EYA1: variants seen among roughly 807,000 people sequenced by gnomAD.
EYA1 encodes the protein EYA transcriptional coactivator and phosphatase 1.
EYA1 carries 16 observed loss-of-function variants against 82.0 expected under a neutral mutation model. That is an observed-to-expected ratio of 0.20 (90% CI 0.13 to 0.30). The LOEUF (loss-of-function observed/expected upper bound fraction) is 0.30, where lower values mean the gene tolerates loss of function less well. Among genes scored for constraint, EYA1 ranks in the 10% least tolerant of loss-of-function variants. EYA1 has a pLI of 1.00. For missense variants in EYA1, 633 were observed against 730.7 expected (o/e 0.87, Z 1.54); for synonymous variants, 261 against 264.4 (o/e 0.99, Z 0.12).
At chr8:71,316,248 A>G (rs2129022343) in intron 7 of EYA1, among the ~76,000 whole-genome samples, 1 of 152,302 alleles carries the variant, frequency 6.6e-6, no homozygotes, top group Admixed American at 6.5e-5. Context: ...AAGGAGCATA[A>G]AACAATTTAC....
intron 17 of EYA1, among the ~76,000 whole-genome samples, chr8:71,207,453 G>A (rs1807943693): frequency 6.6e-6 from 1 of 152,162 alleles, no homozygotes; most frequent in Admixed American, 6.5e-5. Flanking sequence ...GAGATATTGT[G>A]AAAAATTTGT....
chr8:71,278,285 A>T (rs1376969806), intron 9 of EYA1, among the ~76,000 whole-genome samples: 1 of 152,040 alleles, frequency 6.6e-6, no homozygotes, highest in Admixed American at 6.6e-5. Context: ...AACCCTCAAA[A>T]CCCATCAGGG....
intron 9 of EYA1, among the ~76,000 whole-genome samples, chr8:71,284,548 A>G (rs1022876896): frequency 3.9e-5 from 6 of 152,220 alleles, no homozygotes; most frequent in African/African-American, 1.4e-4. Flanking sequence ...CATTGTCAAG[A>G]TTGCATCAAA....
intron 2 of EYA1, among the ~76,000 whole-genome samples, chr8:71,453,652 T>G (rs1807599266): frequency 6.6e-6 from 1 of 152,130 alleles, no homozygotes; most frequent in Non-Finnish European, 1.5e-5. Context: ...AACCCAGAAT[T>G]TCATATCCAG....
At chr8:71,350,007 T>C (rs553522472) in intron 3 of EYA1, among the ~76,000 whole-genome samples, 1 of 152,132 alleles carries the variant, frequency 6.6e-6, no homozygotes, top group African/African-American at 2.4e-5. Flanking sequence ...TTATGGCTTT[T>C]GTTTAAGGAC....
At chr8:71,440,834 AAAG>A (rs973422621) in intron 2 of EYA1, among the ~76,000 whole-genome samples, 2 of 152,224 alleles carry the variant, frequency 1.3e-5, no homozygotes, top group African/African-American at 2.4e-5. Flanking sequence ...TGACAGAAAG[AAAG>A]AAGAACTAAG....
chr8:71,231,342 C>T (rs894292744), intron 12 of EYA1, among the ~76,000 whole-genome samples: 1 of 152,208 alleles, frequency 6.6e-6, no homozygotes, highest in Non-Finnish European at 1.5e-5. Context: ...TGTGCAAAAC[C>T]TTTGATGACA....
chr8:71,288,558 TA>T (rs1818646443), intron 9 of EYA1, among the ~76,000 whole-genome samples: 1 of 152,204 alleles, frequency 6.6e-6, no homozygotes, highest in South Asian at 2.1e-4. Context: ...AAACGAAAAT[TA>T]AAAGCTTCCC....
At chr8:71,396,590 G>A (rs1829632028) in intron 2 of EYA1, among the ~76,000 whole-genome samples, 1 of 152,186 alleles carries the variant, frequency 6.6e-6, no homozygotes, top group African/African-American at 2.4e-5. Context: ...TTTCCATGCA[G>A]TAGAGTGGTT....
Position 71,354,923 on chromosome 8 carries a change from G to T in EYA1, c.-4-14C>A. The T allele has an allele frequency of 1.9e-6, 3 of 1,612,030 alleles. No individual in the cohort carries two copies. The highest frequency in any genetic ancestry group is 2.5e-6 in the Non-Finnish European group (3 of 1,178,676). ...ATTTCCATAGACCTAAAGACAAGAA[G>T]CCTTCCATTTGACAGATGTACCAAA... On this transcript the variant is annotated splice_polypyrimidine_tract_variant and intron_variant, in intron 2 of 17. Transcript: ENST00000340726.
chr8:71,536,395 G>C (rs1165099164), intron 1 of EYA1, among the ~76,000 whole-genome samples: 1 of 152,126 alleles, frequency 6.6e-6, no homozygotes. Flanking sequence ...TTTCACGGAT[G>C]ATCAAGTCTG....
upstream of EYA1, among the ~76,000 whole-genome samples, chr8:71,362,413 C>T (rs1180867857): frequency 6.6e-6 from 1 of 151,976 alleles, no homozygotes; most frequent in East Asian, 1.9e-4. Flanking sequence ...CAATTAAGAT[C>T]TTTGGGGAGT....
At chr8:71,232,676 T>C (rs907413658) in intron 12 of EYA1, among the ~76,000 whole-genome samples, 3 of 151,482 alleles carry the variant, frequency 2.0e-5, no homozygotes, top group Non-Finnish European at 4.4e-5. Context: ...TTTTTCTTTT[T>C]TCTTTTCTTT....
chr8:71,227,157 G>T (rs536714316), intron 12 of EYA1, among the ~76,000 whole-genome samples: 4 of 151,932 alleles, frequency 2.6e-5, no homozygotes, highest in African/African-American at 7.3e-5. Context: ...AAAAAACTCA[G>T]CACACATCTA....
chr8:71,342,760 C>T (rs1458239300), intron 3 of EYA1, among the ~76,000 whole-genome samples: 1 of 152,170 alleles, frequency 6.6e-6, no homozygotes, highest in Non-Finnish European at 1.5e-5. Flanking sequence ...TTGGTACTTG[C>T]TCTCCAACTA....
intron 14 of EYA1, 49 bp from the exon 15 acceptor site, chr8:71,215,777 C>A (rs1285616213): frequency 7.7e-7 from 1 of 1,300,248 alleles, no homozygotes; most frequent in Non-Finnish European, 1.1e-6. Flanking sequence ...CAACATATTT[C>A]TTCGGCTTTG....
intron 3 of EYA1, among the ~76,000 whole-genome samples, chr8:71,351,816 A>G (rs939171643): frequency 6.6e-6 from 1 of 152,190 alleles, no homozygotes; most frequent in African/African-American, 2.4e-5. Context: ...TTTTTGATAC[A>G]GGAGATTTTC....
At chr8:71,374,989 G>C (rs1828289570) in intron 2 of EYA1, among the ~76,000 whole-genome samples, 1 of 152,122 alleles carries the variant, frequency 6.6e-6, no homozygotes, top group Admixed American at 6.5e-5. Context: ...AGGGGCAAGG[G>C]AGGGGAGGAA....
chr8:71,309,096 T>C (rs1821051958), intron 7 of EYA1, among the ~76,000 whole-genome samples: 2 of 152,230 alleles, frequency 1.3e-5, no homozygotes, highest in Admixed American at 6.5e-5. Context: ...GACCAAGTTT[T>C]CCTTTTTGTC....
Sources: gnomAD v4.1 joint callset for allele counts (sites outside exome capture counted in the v4.1 genomes callset) on GRCh38, gnomAD v4.1.1 for gene constraint, MANE v1.5 for transcripts, NCBI Gene and HGNC (gene_info 2026-07-23, HGNC 2026-07-21) for gene names.